Variants in WDR7 observed in about 807,000 individuals in gnomAD.
The protein encoded by WDR7 is WD repeat domain 7, also known as WD repeat-containing protein 7.
A neutral mutation model predicts 169.4 loss-of-function variants in WDR7; 46 were observed. The observed-to-expected ratio is 0.27, with a 90% CI of 0.21 to 0.35. WDR7 has a LOEUF of 0.35. WDR7 is among the 10% of genes least tolerant of loss of function. The pLI is 1.00. For synonymous variants in WDR7, 612 were observed against 666.8 expected, an observed-to-expected ratio of 0.92 and a Z score of 1.27; for missense variants, 1,534 against 1,859.3, an observed-to-expected ratio of 0.83 and a Z score of 3.22.
At chr18:56,799,286 A>G (rs2044633067) in intron 19 of WDR7, among the ~76,000 whole-genome samples, 1 of 152,234 alleles carries the variant, frequency 6.6e-6, no homozygotes. Context: ...CTTGTACTGT[A>G]TAACTTTTAA....
chr18:56,771,910 A>G (rs1369465125), intron 16 of WDR7, among the ~76,000 whole-genome samples: 1 of 151,508 alleles, frequency 6.6e-6, no homozygotes, highest in Non-Finnish European at 1.5e-5. Context: ...AAATACAGAA[A>G]TTATCGGGGT....
intron 26 of WDR7, 78 bp downstream of exon 26, chr18:56,962,607 T>A: frequency 7.6e-7 from 1 of 1,313,034 alleles, no homozygotes; most frequent in South Asian, 1.2e-5. Flanking sequence ...ACTTCACCAG[T>A]TGACGTGCTG....
chr18:56,995,232 A>G (rs1271523516), intron 26 of WDR7, among the ~76,000 whole-genome samples: 1 of 152,180 alleles, frequency 6.6e-6, no homozygotes, highest in East Asian at 1.9e-4. Context: ...AATCCTGCCT[A>G]TTTCCTCAGA....
chr18:56,935,429 A>T (rs531182264), intron 22 of WDR7, among the ~76,000 whole-genome samples: 2 of 152,328 alleles, frequency 1.3e-5, no homozygotes, highest in Non-Finnish European at 2.9e-5. Context: ...ATAAATAAAT[A>T]CTTAACTATT....
chr18:56,923,153 T>C (rs1220836906), intron 21 of WDR7, among the ~76,000 whole-genome samples: 2 of 152,252 alleles, frequency 1.3e-5, no homozygotes, highest in South Asian at 2.1e-4. Flanking sequence ...AATTGGCTTT[T>C]CGTAACCCCT....
intron 25 of WDR7, among the ~76,000 whole-genome samples, chr18:56,956,906 T>A (rs2047258639): frequency 6.6e-6 from 1 of 152,186 alleles, no homozygotes; most frequent in African/African-American, 2.4e-5. Context: ...TTTTTTCCTC[T>A]TATTGGCAAA....
chr18:56,967,416 A>G (rs1219630550), intron 26 of WDR7, among the ~76,000 whole-genome samples: 2 of 152,026 alleles, frequency 1.3e-5, no homozygotes, highest in African/African-American at 2.4e-5. Context: ...TTTTTTAAGT[A>G]TCTAACTCCC....
intron 1 of WDR7, among the ~76,000 whole-genome samples, chr18:56,671,701 G>A (rs1257718114): frequency 6.6e-6 from 1 of 152,210 alleles, no homozygotes; most frequent in African/African-American, 2.4e-5. Flanking sequence ...AAGACCACAG[G>A]TTCTGAAGTC....
At chr18:56,927,973 A>G (rs2046830282) in intron 22 of WDR7, among the ~76,000 whole-genome samples, 1 of 152,186 alleles carries the variant, frequency 6.6e-6, no homozygotes, top group Non-Finnish European at 1.5e-5. Flanking sequence ...ACCAGAGGGG[A>G]TGCAAGGAGG....
At chr18:56,684,515 CAT>C (rs1446618261) in intron 5 of WDR7, among the ~76,000 whole-genome samples, 1 of 152,174 alleles carries the variant, frequency 6.6e-6, no homozygotes, top group African/African-American at 2.4e-5. Context: ...GGAGTTGACT[CAT>C]GAGCTGTAGC....
intron 26 of WDR7, among the ~76,000 whole-genome samples, chr18:56,969,820 A>G (rs547205557): frequency 4.6e-5 from 7 of 152,322 alleles, no homozygotes; most frequent in African/African-American, 1.4e-4. Context: ...GCTGGTGTTT[A>G]TAATATGCCA....
rs543272561 is a variant in WDR7 at position 56,719,794 on chromosome 18, A to C, written c.1774+1635A>C. 7.9e-5 allele frequency among the ~76,000 whole-genome samples: 12 copies of C among 152,284 alleles called. 2 individuals carry two copies. The highest frequency in any genetic ancestry group is 2.9e-4 in the African/African-American group (12 of 41,550). On this transcript the variant is annotated intron_variant, in intron 13 of 27. Transcript: ENST00000254442. Reference sequence around the variant, plus strand: ...CTAACACTGTGATCTATTCCAAGTCACTGGATATTTGTCCCTCAATTTCCT... The same window carrying C: ...CTAACACTGTGATCTATTCCAAGTCCCTGGATATTTGTCCCTCAATTTCCT...
intron 4 of WDR7, among the ~76,000 whole-genome samples, chr18:56,682,063 T>C (rs1201053846): frequency 6.6e-6 from 1 of 152,212 alleles, no homozygotes; most frequent in Admixed American, 6.5e-5. Context: ...GAAGAGAAGG[T>C]AACTCACATT....
chr18:56,950,489 T>A (rs1274194755), intron 25 of WDR7, among the ~76,000 whole-genome samples: 1 of 152,174 alleles, frequency 6.6e-6, no homozygotes, highest in African/African-American at 2.4e-5. Flanking sequence ...TTTGATCTCA[T>A]AGACTTCTCA....
chr18:56,779,414 T>C lies in WDR7; in HGVS notation c.2948-17T>C, dbSNP rs2044286326. The C allele has an allele frequency of 6.3e-7, 1 of 1,584,056 alleles. No homozygotes were observed. Among genetic ancestry groups the C allele is most frequent in the Non-Finnish European group, 8.6e-7 (1 of 1,163,618 alleles). On this transcript the variant is annotated splice_polypyrimidine_tract_variant and intron_variant, in intron 17 of 27. Coordinates refer to ENST00000254442, the MANE Select transcript of WDR7 (RefSeq NM_015285.3). ...CAAAATGGTTAAAGAATTTGTAATATATTACATTTTTGACAGGTTGGAGTC... is the reference window on the plus strand; with the variant it reads ...CAAAATGGTTAAAGAATTTGTAATACATTACATTTTTGACAGGTTGGAGTC...
intron 21 of WDR7, among the ~76,000 whole-genome samples, chr18:56,899,942 G>A (rs2046378191): frequency 6.6e-6 from 1 of 151,764 alleles, no homozygotes; most frequent in Admixed American, 6.6e-5. Flanking sequence ...TTATTTATGT[G>A]TGCCTAGGTG....
intron 26 of WDR7, among the ~76,000 whole-genome samples, chr18:56,975,835 G>A (rs996185304): frequency 3.3e-5 from 5 of 152,188 alleles, no homozygotes; most frequent in South Asian, 2.1e-4. Context: ...AGGTGAAAGG[G>A]TGGACCTAGT....
At position 56,756,690 on chromosome 18, in the gene WDR7, T is replaced by C. The variant is rs1473584784; in HGVS notation, c.2097T>C (p.Ile699=). The change falls in exon 15 of 28, where the codon ATT becomes ATC. Residue 699 remains isoleucine (I), a synonymous_variant. Coordinates refer to ENST00000254442, the MANE Select transcript of WDR7 (RefSeq NM_015285.3). ...HVLFFDVEAL[I]IQLLTEEASR... ...TATTCTTTGATGTGGAAGCGTTGATTATTCAACTCCTGACTGAAGAAGCCT... is the reference window on the plus strand; with the variant it reads ...TATTCTTTGATGTGGAAGCGTTGATCATTCAACTCCTGACTGAAGAAGCCT... 6.2e-7 allele frequency: 1 copy of C among 1,614,052 alleles called. No homozygotes were observed. The highest frequency in any genetic ancestry group is 8.5e-7 in the Non-Finnish European group (1 of 1,180,036).
intron 12 of WDR7, among the ~76,000 whole-genome samples, chr18:56,707,009 TCTCA>T (rs2025972900): frequency 6.8e-6 from 1 of 146,106 alleles, no homozygotes; most frequent in South Asian, 2.2e-4. Flanking sequence ...TGAGAGAGAG[TCTCA>T]CTCTGCCACC....
Sources: allele counts gnomAD v4.1 joint callset (sites outside exome capture counted in the v4.1 genomes callset), GRCh38; gene constraint gnomAD v4.1.1; transcripts MANE v1.5; gene names NCBI Gene and HGNC (gene_info 2026-07-23, HGNC 2026-07-21).